Variants in GPM6A observed in about 807,000 individuals in gnomAD.
GPM6A encodes glycoprotein M6A, also known as neuronal membrane glycoprotein M6-a.
Under a neutral mutation model 32.1 loss-of-function variants are expected in GPM6A, and 7 were observed. That is an observed-to-expected ratio of 0.22 (90% CI 0.12 to 0.41). The LOEUF is 0.41. Among genes scored for constraint, GPM6A ranks in the 10% least tolerant of loss-of-function variants. GPM6A has a pLI of 1.00. For synonymous variants in GPM6A, 130 were observed against 123.4 expected (o/e 1.05, Z -0.35); for missense variants, 235 against 347.2 (o/e 0.68, Z 2.57).
At chr4:175,637,113 GTGATATA>G (rs1288699277) in intron 6 of GPM6A, among the ~76,000 whole-genome samples, 2 of 94,790 alleles carry the variant, frequency 2.1e-5, no homozygotes, top group Non-Finnish European at 4.1e-5. Flanking sequence ...TATATTATAT[GTGATATA>G]TAATATATAA....
At chr4:175,822,014 T>C (rs1365208755) in intron 1 of GPM6A, among the ~76,000 whole-genome samples, 5 of 152,140 alleles carry the variant, frequency 3.3e-5, no homozygotes, top group Non-Finnish European at 7.4e-5. Context: ...GGTTTCATTA[T>C]TATGTGTTAT....
At chr4:175,637,701 T>C (rs1333789139) in intron 6 of GPM6A, among the ~76,000 whole-genome samples, 101 of 2,440 alleles carry the variant, frequency 0.041, 1 homozygote, top group African/African-American at 0.11. Context: ...TAATATATTA[T>C]ATATTATATA....
At chr4:175,809,560 G>C (rs952572435) in intron 1 of GPM6A, among the ~76,000 whole-genome samples, 1 of 152,044 alleles carries the variant, frequency 6.6e-6, no homozygotes, top group Non-Finnish European at 1.5e-5. Flanking sequence ...TGGAGCAACA[G>C]ATTAATGATC....
intron 1 of GPM6A, among the ~76,000 whole-genome samples, chr4:175,803,390 A>T (rs956438983): frequency 6.6e-6 from 1 of 152,202 alleles, no homozygotes; most frequent in African/African-American, 2.4e-5. Context: ...TGTTACAACA[A>T]TTCGAAAAAG....
At chr4:175,715,458 C>T (rs1745790573) in intron 1 of GPM6A, among the ~76,000 whole-genome samples, 1 of 152,166 alleles carries the variant, frequency 6.6e-6, no homozygotes, top group Admixed American at 6.5e-5. Flanking sequence ...GGCACCTCAG[C>T]TAGCATGCCT....
intron 6 of GPM6A, among the ~76,000 whole-genome samples, chr4:175,638,508 T>C (rs1322451853): frequency 6.6e-6 from 1 of 152,164 alleles, no homozygotes; most frequent in Non-Finnish European, 1.5e-5. Context: ...AAGCATAGAT[T>C]GCTTAAGAAA....
rs532815465 is a variant in GPM6A, at chr4:175,684,850, T to G, written c.231-11014A>C. ...CCCTTCTTTGTATTTTCTTAACTAT[T>G]TGTGTGTGTGTGTGTGTTTTGTTTT... On this transcript the variant is annotated intron_variant, in intron 2 of 6. Coordinates refer to ENST00000393658, the MANE Select transcript of GPM6A (RefSeq NM_201591.3). Among the ~76,000 whole-genome samples the G allele has an allele frequency of 9.2e-5, 14 of 151,642 alleles. No homozygotes were observed. In the South Asian group the frequency reaches 2.9e-3, roughly 32 times the overall value.
At chr4:175,985,956 C>T (rs1905832) in intron 1 of GPM6A, among the ~76,000 whole-genome samples, 68,328 of 151,650 alleles carry the variant, frequency 0.45, 18,957 homozygotes, top group Admixed American at 0.6. Flanking sequence ...CAGGCACGTG[C>T]CACCATACCC....
chr4:175,662,880 A>G (rs566080521), intron 3 of GPM6A, among the ~76,000 whole-genome samples: 1 of 152,236 alleles, frequency 6.6e-6, no homozygotes, highest in Admixed American at 6.5e-5. Flanking sequence ...TAAAATATAG[A>G]AAGTTTAAAA....
upstream of GPM6A, among the ~76,000 whole-genome samples, chr4:175,816,214 T>C (rs1393591441): frequency 6.6e-6 from 1 of 152,058 alleles, no homozygotes; most frequent in African/African-American, 2.4e-5. Context: ...AAAACAAATA[T>C]AAGTTAACTA....
At chr4:175,801,821 A>G (rs1452228057) in intron 1 of GPM6A, among the ~76,000 whole-genome samples, 2 of 152,256 alleles carry the variant, frequency 1.3e-5, no homozygotes, top group East Asian at 3.9e-4. Context: ...CAATGATTAT[A>G]TAACTGTAAG....
chr4:175,969,802 G>A (rs538221219), intron 1 of GPM6A, among the ~76,000 whole-genome samples: 98 of 152,172 alleles, frequency 6.4e-4, no homozygotes, highest in African/African-American at 1.8e-3. Context: ...TAGTAATACC[G>A]GAAAGTGTGT....
intron 1 of GPM6A, among the ~76,000 whole-genome samples, chr4:175,936,210 G>T (rs536912296): frequency 6.8e-6 from 1 of 147,450 alleles, no homozygotes; most frequent in Non-Finnish European, 1.5e-5. Flanking sequence ...GGAGGCTGAG[G>T]CAGGAGAATG....
chr4:175,647,189 C>G (rs1741508994), intron 4 of GPM6A, among the ~76,000 whole-genome samples: 1 of 152,198 alleles, frequency 6.6e-6, no homozygotes, highest in East Asian at 1.9e-4. Context: ...CTAAAAGAAG[C>G]CCCACCTACT....
chr4:175,992,171 G>C (rs148679531), intron 1 of GPM6A, among the ~76,000 whole-genome samples: 2 of 151,692 alleles, frequency 1.3e-5, no homozygotes, highest in Non-Finnish European at 2.9e-5. Context: ...TTATCAACTA[G>C]TTCCCTCACT....
intron 1 of GPM6A, among the ~76,000 whole-genome samples, chr4:175,930,759 TA>T (rs952074697): frequency 2.1e-4 from 32 of 152,162 alleles, no homozygotes; most frequent in Non-Finnish European, 4.7e-4. Context: ...GTGAAGGCAA[TA>T]TAATTGTTTT....
chr4:175,958,135 C>T lies in GPM6A; in HGVS notation c.-23+44174G>A, dbSNP rs182089739. ...CTCGAACTCCTTACTTCAAGTGACC[C>T]GCCCACCTCAACCTCCCAAAATGTT... On this transcript the variant is annotated intron_variant, in intron 1 of 7. Transcript: ENST00000280187. 3.3e-3 allele frequency among the ~76,000 whole-genome samples: 504 copies of T among 152,294 alleles called. 2 individuals are homozygous for T. Among genetic ancestry groups the T allele is most frequent in the Non-Finnish European group, 4.0e-3 (275 of 68,024 alleles).
At chr4:175,707,755 T>C in intron 1 of GPM6A, among the ~76,000 whole-genome samples, 1 of 152,230 alleles carries the variant, frequency 6.6e-6, no homozygotes, top group East Asian at 1.9e-4. Flanking sequence ...GATCCTGATA[T>C]TATCGATACT....
intron 1 of GPM6A, among the ~76,000 whole-genome samples, chr4:175,742,822 G>A (rs1312588465): frequency 2.0e-5 from 3 of 151,970 alleles, no homozygotes; most frequent in Non-Finnish European, 2.9e-5. Context: ...GAATACGAAC[G>A]ATGAAAGTCA....
Sources: allele counts gnomAD v4.1 joint callset (sites outside exome capture counted in the v4.1 genomes callset), GRCh38; gene constraint gnomAD v4.1.1; transcripts MANE v1.5; gene names NCBI Gene and HGNC (gene_info 2026-07-23, HGNC 2026-07-21).